Variants in RBFOX2 observed in about 807,000 individuals in gnomAD.
The protein encoded by RBFOX2 is RNA binding protein fox-1 homolog 2.
In RBFOX2, 10 loss-of-function variants were observed where a neutral mutation model predicts 49.1. The ratio of observed to expected loss-of-function variants is 0.20; its 90% CI spans 0.13 to 0.35. RBFOX2 has a LOEUF of 0.35. RBFOX2 is among the 10% of genes least tolerant of loss of function. The probability of loss-of-function intolerance (pLI) is 1.00; values close to 1 mark genes in which losing one functional copy is unlikely to be tolerated. For missense variants in RBFOX2, 323 were observed against 486.9 expected, an observed-to-expected ratio of 0.66 and a Z score of 3.17; for synonymous variants, 183 against 187.4, an observed-to-expected ratio of 0.98 and a Z score of 0.19.
At chr22:35,760,455 A>G (rs1938389506) in intron 8 of RBFOX2, among the ~76,000 whole-genome samples, 1 of 152,218 alleles carries the variant, frequency 6.6e-6, no homozygotes. Context: ...ATGTCCACAT[A>G]ATAATTATTA....
chr22:36,016,439 T>C (rs1569523630), intron 1 of RBFOX2, among the ~76,000 whole-genome samples: 1 of 152,116 alleles, frequency 6.6e-6, no homozygotes, highest in Non-Finnish European at 1.5e-5. Flanking sequence ...CTTGTGGTAT[T>C]TCCAGTTAGA....
intron 1 of RBFOX2, among the ~76,000 whole-genome samples, chr22:35,926,249 A>G (rs984800136): frequency 7.2e-5 from 11 of 152,210 alleles, no homozygotes; most frequent in African/African-American, 2.4e-4. Context: ...AAGACCATCG[A>G]TTGCTTGGTA....
At chr22:36,008,186 T>C (rs2058687833) in intron 1 of RBFOX2, among the ~76,000 whole-genome samples, 1 of 152,214 alleles carries the variant, frequency 6.6e-6, no homozygotes, top group African/African-American at 2.4e-5. Context: ...AACCATTGTG[T>C]TATCAAATTT....
chr22:35,857,864 T>C (rs906522950), intron 1 of RBFOX2, among the ~76,000 whole-genome samples: 6 of 152,228 alleles, frequency 3.9e-5, no homozygotes, highest in Non-Finnish European at 8.8e-5. Flanking sequence ...CATAATCGTG[T>C]ACTATTCACA....
At chr22:35,800,931 C>T (rs1949666852) in intron 2 of RBFOX2, among the ~76,000 whole-genome samples, 2 of 152,098 alleles carry the variant, frequency 1.3e-5, no homozygotes, top group African/African-American at 4.8e-5. Context: ...CTAGAAAAGT[C>T]CAGGAAGGCT....
intron 1 of RBFOX2, among the ~76,000 whole-genome samples, chr22:36,027,788 A>C (rs959396923): frequency 6.6e-6 from 1 of 151,868 alleles, no homozygotes; most frequent in Admixed American, 6.6e-5. Context: ...TCTCATTGAA[A>C]TGCCACTTCT....
At chr22:35,802,156 G>A (rs1216857558) in intron 2 of RBFOX2, among the ~76,000 whole-genome samples, 1 of 152,016 alleles carries the variant, frequency 6.6e-6, no homozygotes, top group Non-Finnish European at 1.5e-5. Flanking sequence ...TTTACATTAA[G>A]GAACAGAACT....
intron 4 of RBFOX2, among the ~76,000 whole-genome samples, chr22:35,775,841 C>CAAAAAAAAAAAAAAAAAAAAAAA (rs753116056): frequency 3.0e-4 from 17 of 56,170 alleles, no homozygotes; most frequent in African/African-American, 5.0e-4. Flanking sequence ...GAATCTGCCT[C>CAAAAAAAAAAAAAAAAAAAAAAA]AAAAAAAAAA....
intron 1 of RBFOX2, chr22:35,994,940 A>G (rs1458681242): frequency 6.6e-6 from 1 of 152,196 alleles, no homozygotes; most frequent in East Asian, 1.9e-4. Context: ...ATGAGTGTAG[A>G]GCCCAGGGAG....
intron 9 of RBFOX2, among the ~76,000 whole-genome samples, chr22:35,756,743 A>G (rs1184645286): frequency 6.6e-6 from 1 of 152,160 alleles, no homozygotes; most frequent in Non-Finnish European, 1.5e-5. Context: ...ATGCGATAAG[A>G]TTTGGCTGAT....
At chr22:35,876,701 AACACACACACACACACACACAC>A (rs142455818) in intron 1 of RBFOX2, among the ~76,000 whole-genome samples, 5 of 140,458 alleles carry the variant, frequency 3.6e-5, no homozygotes, top group Admixed American at 1.4e-4. Flanking sequence ...CATTAAAAGA[AACACACACACACACACACACAC>A]ACACACACAC....
At chr22:36,028,512 G>A (rs1167398642) in exon 1 of RBFOX2, 3 of 1,021,806 alleles carry the variant, frequency 2.9e-6, no homozygotes, top group Non-Finnish European at 3.5e-6. Context: ...GTCGCGACAG[G>A]CGGGCGCGCG....
At chr22:36,009,633 C>T (rs2058739917) in intron 1 of RBFOX2, among the ~76,000 whole-genome samples, 1 of 152,162 alleles carries the variant, frequency 6.6e-6, no homozygotes, top group South Asian at 2.1e-4. Flanking sequence ...AAGTGACCCA[C>T]CCGCCTTGGC....
intron 1 of RBFOX2, among the ~76,000 whole-genome samples, chr22:35,830,434 T>C (rs1442421703): frequency 1.3e-5 from 2 of 152,192 alleles, no homozygotes; most frequent in African/African-American, 4.8e-5. Flanking sequence ...TGGCCCAAAG[T>C]AATAAATAAT....
chr22:35,847,377 CT>C (rs563491837), intron 1 of RBFOX2, among the ~76,000 whole-genome samples: 6 of 152,186 alleles, frequency 3.9e-5, no homozygotes, highest in Admixed American at 1.3e-4. Flanking sequence ...GATGTAAAAC[CT>C]TTCATTAAAA....
intron 1 of RBFOX2, among the ~76,000 whole-genome samples, chr22:35,814,291 T>C (rs913933576): frequency 1.3e-5 from 2 of 152,006 alleles, no homozygotes; most frequent in African/African-American, 2.4e-5. Flanking sequence ...TAAAATGGCA[T>C]AGTATTTGCA....
At chr22:35,974,405 C>A (rs1160858470) in intron 1 of RBFOX2, among the ~76,000 whole-genome samples, 1 of 152,146 alleles carries the variant, frequency 6.6e-6, no homozygotes, top group Non-Finnish European at 1.5e-5. Flanking sequence ...ACAGGCTAGG[C>A]CAGGCACAGT....
At chr22:35,744,889 A>T (rs138345356) in intron 11 of RBFOX2, among the ~76,000 whole-genome samples, 1 of 152,222 alleles carries the variant, frequency 6.6e-6, no homozygotes, top group Non-Finnish European at 1.5e-5. Flanking sequence ...CTAATGGCTT[A>T]TCTCTTTCAA....
chr22:35,996,717 A>ATT (rs2058209656), intron 1 of RBFOX2: 2 of 152,226 alleles, frequency 1.3e-5, no homozygotes, highest in African/African-American at 4.8e-5. Flanking sequence ...ACCAGGAAAT[A>ATT]TGAGGCTGCT....
Sources: allele counts gnomAD v4.1 joint callset (sites outside exome capture counted in the v4.1 genomes callset), GRCh38; gene constraint gnomAD v4.1.1; transcripts MANE v1.5; gene names NCBI Gene and HGNC (gene_info 2026-07-23, HGNC 2026-07-21).